Variants in PRKG1 observed in about 807,000 individuals in gnomAD.
PRKG1 encodes the protein protein kinase cGMP-dependent 1, also known as cGMP-dependent protein kinase 1.
A neutral mutation model predicts 88.1 loss-of-function variants in PRKG1; 35 were observed. The observed-to-expected ratio is 0.40, with a 90% confidence interval of 0.30 to 0.53. PRKG1 has a LOEUF of 0.53. PRKG1 is among the 20% of genes least tolerant of loss of function. The pLI is 0.59. For synonymous variants in PRKG1, 303 were observed against 292.5 expected, an observed-to-expected ratio of 1.04 and a Z score of -0.37; for missense variants, 540 against 839.8, an observed-to-expected ratio of 0.64 and a Z score of 4.41.
At chr10:51,900,939 T>A (rs914280250) in intron 4 of PRKG1, among the ~76,000 whole-genome samples, 1 of 152,138 alleles carries the variant, frequency 6.6e-6, no homozygotes, top group Non-Finnish European at 1.5e-5. Context: ...ATTTAAAGAA[T>A]TAAATTTAAT....
At chr10:51,017,065 C>G (rs1843076894) in intron 1 of PRKG1, among the ~76,000 whole-genome samples, 1 of 151,834 alleles carries the variant, frequency 6.6e-6, no homozygotes, top group South Asian at 2.1e-4. Context: ...AGAGTTCACT[C>G]TCTTCATGTA....
intron 3 of PRKG1, among the ~76,000 whole-genome samples, chr10:51,712,735 G>T (rs373565433): frequency 2.0e-5 from 3 of 151,474 alleles, no homozygotes; most frequent in Non-Finnish European, 4.4e-5. Flanking sequence ...GACTATAGGC[G>T]CCCGCCACCA....
At chr10:51,655,750 G>C (rs1840145518) in intron 3 of PRKG1, among the ~76,000 whole-genome samples, 1 of 152,098 alleles carries the variant, frequency 6.6e-6, no homozygotes, top group Non-Finnish European at 1.5e-5. Context: ...TGTGCAATAG[G>C]TTGTTTTTAT....
At chr10:51,024,480 A>G (rs1843175009) in intron 1 of PRKG1, among the ~76,000 whole-genome samples, 1 of 152,226 alleles carries the variant, frequency 6.6e-6, no homozygotes, top group South Asian at 2.1e-4. Flanking sequence ...TGATGTTTAT[A>G]ATAACCTATG....
chr10:51,873,910 T>G (rs1028964835), intron 4 of PRKG1, among the ~76,000 whole-genome samples: 1 of 149,068 alleles, frequency 6.7e-6, no homozygotes. Flanking sequence ...TACTCTCATT[T>G]ATTTGCATTT....
intron 7 of PRKG1, among the ~76,000 whole-genome samples, chr10:52,133,126 T>G (rs1031377676): frequency 6.6e-6 from 1 of 152,114 alleles, no homozygotes; most frequent in African/African-American, 2.4e-5. Context: ...GAAAATGAAT[T>G]GTGAATGTTA....
intron 2 of PRKG1, among the ~76,000 whole-genome samples, chr10:51,430,744 A>T (rs1452241745): frequency 6.6e-6 from 1 of 152,244 alleles, no homozygotes; most frequent in Non-Finnish European, 1.5e-5. Context: ...TTATGTCCAT[A>T]CAATGGAGTG....
chr10:51,808,441 G>T (rs942524732), intron 4 of PRKG1, among the ~76,000 whole-genome samples: 2 of 151,526 alleles, frequency 1.3e-5, no homozygotes, highest in Admixed American at 1.3e-4. Flanking sequence ...GCAAAAAATA[G>T]AAAAATAGAA....
intron 2 of PRKG1, among the ~76,000 whole-genome samples, chr10:51,461,447 T>C (rs1171453873): frequency 2.0e-5 from 3 of 152,172 alleles, no homozygotes; most frequent in Admixed American, 6.5e-5. Flanking sequence ...TATATATGTG[T>C]AATGAGAAAC....
chr10:51,251,888 T>C (rs1839436206), intron 2 of PRKG1, among the ~76,000 whole-genome samples: 1 of 151,838 alleles, frequency 6.6e-6, no homozygotes, highest in Non-Finnish European at 1.5e-5. Context: ...AGTCCTGTTA[T>C]GTATTGGCCA....
chr10:52,189,982 C>T (rs1211515502), intron 9 of PRKG1, among the ~76,000 whole-genome samples: 1 of 152,164 alleles, frequency 6.6e-6, no homozygotes, highest in Non-Finnish European at 1.5e-5. Flanking sequence ...ATCACAGATG[C>T]TAATCAATGC....
rs185526243 is a variant in PRKG1, at chr10:51,987,303, A to G, written c.763-67181A>G. ...ACTGCAAGCTTAGCACTTTTAATTA[A>G]AAAAAAATTCGAGGGTTATGTGGTT... On this transcript the variant is annotated intron_variant, in intron 5 of 17. Coordinates refer to ENST00000373980, the MANE Select transcript of PRKG1 (RefSeq NM_006258.4). 8.6e-3 allele frequency among the ~76,000 whole-genome samples: 1,300 copies of G among 151,894 alleles called. 14 individuals carry two copies. Among genetic ancestry groups the G allele is most frequent in the African/African-American group, 0.028 (1,171 of 41,448 alleles).
At chr10:51,553,074 A>G (rs1837181879) in intron 3 of PRKG1, among the ~76,000 whole-genome samples, 1 of 151,688 alleles carries the variant, frequency 6.6e-6, no homozygotes, top group Non-Finnish European at 1.5e-5. Context: ...TGTGCAACTC[A>G]TATAATACCA....
Position 51,186,954 on chromosome 10 carries a change from T to TTTTATATA in PRKG1, c.478+33625_478+33626insTTATATAT, listed in dbSNP as rs1318166640. Among the ~76,000 whole-genome samples, 1,128 of 131,228 alleles carry TTTTATATA rather than the reference T, an allele frequency of 8.6e-3. 11 individuals are homozygous for TTTTATATA. The highest frequency in any genetic ancestry group is 0.02 in the African/African-American group (651 of 33,372). The allele number at this position is 131,228 out of a possible 152,430, so 86.1% of individuals were successfully genotyped here. The stretch of plus-strand genomic sequence containing the variant: ...AAAATGAGTTTTGCAAGGCCCTGTG[T>TTTTATATA]TATATATATATATATATATATATAT... On this transcript the variant is annotated intron_variant, in intron 2 of 17. Transcript: ENST00000373980.
At chr10:52,137,001 CTG>C (rs1837442309) in intron 8 of PRKG1, among the ~76,000 whole-genome samples, 1 of 152,062 alleles carries the variant, frequency 6.6e-6, no homozygotes, top group African/African-American at 2.4e-5. Flanking sequence ...AAAAATGAAA[CTG>C]TAACTGAAGG....
chr10:51,592,769 T>A (rs902777901), intron 3 of PRKG1, among the ~76,000 whole-genome samples: 44 of 152,230 alleles, frequency 2.9e-4, no homozygotes, highest in African/African-American at 1.0e-3. Flanking sequence ...TTTTATTTTT[T>A]AATTTTGACT....
chr10:51,977,909 A>G (rs574469676), intron 5 of PRKG1, among the ~76,000 whole-genome samples: 5 of 152,006 alleles, frequency 3.3e-5, no homozygotes, highest in African/African-American at 1.2e-4. Context: ...ATTTTCTCCC[A>G]TTCTGTCGGT....
intron 3 of PRKG1, among the ~76,000 whole-genome samples, chr10:51,530,604 A>G (rs1271804078): frequency 6.6e-6 from 1 of 152,192 alleles, no homozygotes; most frequent in African/African-American, 2.4e-5. Flanking sequence ...CATGGTCACC[A>G]ATGCCTTTTG....
At chr10:51,482,962 C>A (rs1254701752) in intron 3 of PRKG1, among the ~76,000 whole-genome samples, 1 of 150,734 alleles carries the variant, frequency 6.6e-6, no homozygotes, top group Non-Finnish European at 1.5e-5. Context: ...TTAATTACCT[C>A]ATAACTTTAG....
Sources: gnomAD v4.1 joint callset for allele counts (sites outside exome capture counted in the v4.1 genomes callset) on GRCh38, gnomAD v4.1.1 for gene constraint, MANE v1.5 for transcripts, NCBI Gene and HGNC (gene_info 2026-07-23, HGNC 2026-07-21) for gene names.